The following TRIM71 variants were observed in gnomAD, a reference collection of about 807,000 sequenced individuals.
The protein encoded by TRIM71 is E3 ubiquitin-protein ligase TRIM71.
In TRIM71, 9 loss-of-function variants were observed where a neutral mutation model predicts 61.2. The ratio of observed to expected loss-of-function variants is 0.15; its 90% CI spans 0.09 to 0.26. The LOEUF (loss-of-function observed/expected upper bound fraction) is 0.26. Ranked by LOEUF, TRIM71 falls within the 10% of genes least tolerant of loss-of-function variation. The pLI is 1.00. For missense variants in TRIM71, 998 were observed against 1,238.7 expected (o/e 0.81, Z 2.92); for synonymous variants, 645 against 553.2 (o/e 1.17, Z -2.33).
intron 1 of TRIM71, among the ~76,000 whole-genome samples, chr3:32,870,885 T>C (rs1050822612): frequency 2.6e-5 from 4 of 152,100 alleles, no homozygotes; most frequent in Non-Finnish European, 4.4e-5. Flanking sequence ...TGGTCACGGC[T>C]CACTGCAGCC....
chr3:32,827,999 C>G (rs1696223376), intron 1 of TRIM71, among the ~76,000 whole-genome samples: 1 of 152,070 alleles, frequency 6.6e-6, no homozygotes, highest in African/African-American at 2.4e-5. Context: ...TATAAAAAAT[C>G]TGCACTTAAG....
rs1400782301 is a variant in TRIM71 at position 32,897,379 on chromosome 3, T to A, written c.*5568T>A. On this transcript the variant is annotated 3_prime_UTR_variant, in exon 4 of 4. Transcript: ENST00000383763. The stretch of plus-strand genomic sequence containing the variant: ...TGCAAGCCTGTCCGGGGTGGGGTGC[T>A]GACTGCCATTTGCCACTTTTAAATG... 2 of 152,172 alleles carry A rather than the reference T, an allele frequency of 1.3e-5. No individual in the cohort carries two copies. Among genetic ancestry groups the A allele is most frequent in the Non-Finnish European group, 2.9e-5 (2 of 68,032 alleles). 9.4% of individuals were successfully genotyped at this position (152,172 alleles called of 1,614,324 possible).
At chr3:32,820,665 A>C (rs1022675182) in intron 1 of TRIM71, among the ~76,000 whole-genome samples, 2 of 152,146 alleles carry the variant, frequency 1.3e-5, no homozygotes, top group South Asian at 4.1e-4. Context: ...TTAAAGATAC[A>C]CCTATATTTT....
chr3:32,885,372 C>T (rs1439467345), intron 2 of TRIM71, among the ~76,000 whole-genome samples: 5 of 152,132 alleles, frequency 3.3e-5, no homozygotes, highest in East Asian at 3.9e-4. Flanking sequence ...TCTCTGACCA[C>T]GGGGCACAGC....
At chr3:32,820,248 T>C (rs374210108) in intron 1 of TRIM71, among the ~76,000 whole-genome samples, 1 of 152,206 alleles carries the variant, frequency 6.6e-6, no homozygotes, top group East Asian at 1.9e-4. Context: ...CCGCTGCCTT[T>C]TCCACTCCTA....
chr3:32,874,049 AT>A (rs1306934863), intron 2 of TRIM71, 64 bp downstream of exon 2: 1 of 1,503,838 alleles, frequency 6.6e-7, no homozygotes, highest in Non-Finnish European at 8.9e-7. Context: ...GTCGGGTGGC[AT>A]GGACAGACAA....
At chr3:32,860,132 C>T (rs1380292637) in intron 1 of TRIM71, among the ~76,000 whole-genome samples, 1 of 146,352 alleles carries the variant, frequency 6.8e-6, no homozygotes, top group African/African-American at 2.5e-5. Context: ...CCTCCCCTCC[C>T]CTCTTCCCTC....
intron 1 of TRIM71, among the ~76,000 whole-genome samples, chr3:32,869,306 T>C (rs1372286042): frequency 6.6e-6 from 1 of 152,236 alleles, no homozygotes; most frequent in African/African-American, 2.4e-5. Context: ...TTTTAAGGGA[T>C]ACCAAACTAA....
At chr3:32,821,072 T>C (rs1696121767) in intron 1 of TRIM71, among the ~76,000 whole-genome samples, 1 of 152,210 alleles carries the variant, frequency 6.6e-6, no homozygotes, top group Admixed American at 6.5e-5. Context: ...TAACAGGTAG[T>C]GAGGTTCATA....
chr3:32,880,811 G>A (rs964308466), intron 2 of TRIM71, among the ~76,000 whole-genome samples: 13 of 152,174 alleles, frequency 8.5e-5, no homozygotes, highest in African/African-American at 3.1e-4. Flanking sequence ...TGATTTGCTG[G>A]GGATAGCGAT....
chr3:32,863,194 C>CTTTTTTTTTTTTTTTTTTTTTTTT (rs1559545534), intron 1 of TRIM71, among the ~76,000 whole-genome samples: 1 of 117,664 alleles, frequency 8.5e-6, no homozygotes, highest in African/African-American at 3.3e-5. Context: ...ATTAATTGAA[C>CTTTTTTTTTTTTTTTTTTTTTTTT]CTTTTTTTTT....
chr3:32,835,914 G>GT (rs1358282798), intron 1 of TRIM71, among the ~76,000 whole-genome samples: 1 of 152,150 alleles, frequency 6.6e-6, no homozygotes, highest in African/African-American at 2.4e-5. Flanking sequence ...GCATATAGAG[G>GT]TTAGTCTTAA....
chr3:32,889,344 C>A (rs761312623), intron 3 of TRIM71, among the ~76,000 whole-genome samples: 166 of 152,198 alleles, frequency 1.1e-3, no homozygotes, highest in Middle Eastern at 3.4e-3. Context: ...CAGACACAGT[C>A]ATGGCACACT....
chr3:32,823,702 G>A (rs184990287), intron 1 of TRIM71, among the ~76,000 whole-genome samples: 5 of 151,158 alleles, frequency 3.3e-5, no homozygotes, highest in African/African-American at 9.7e-5. Context: ...GCAGTGAGCC[G>A]AGGGTGCAGT....
chr3:32,890,768 G>A lies in TRIM71; in HGVS notation c.1564G>A (p.Asp522Asn), dbSNP rs1052094846. 6.2e-7 allele frequency: 1 copy of A among 1,614,148 alleles called. No individual in the cohort carries two copies. The highest frequency in any genetic ancestry group is 8.5e-7 in the Non-Finnish European group (1 of 1,180,026). ...TGGTGAGCCCCGCCTCTCAGGAGGC[G>A]ACCTGATGTCGGCTGTGGTCCTGGG... ...HDGEPRLSGG[D>N]LMSAVVLGPD... is the part of the protein sequence containing the mutation. The change falls in exon 4 of 4, where the codon GAC becomes AAC. Residue 522 changes from aspartate to asparagine, a missense_variant. Physicochemically the swap from Asp to Asn is conservative, Grantham distance 23 (BLOSUM62 1). Coordinates refer to ENST00000383763, the MANE Select transcript of TRIM71 (RefSeq NM_001039111.3). This position sits in a 1 kb window ranked among gnomAD's most constrained non-coding sequence, Gnocchi z 6.2.
At position 32,890,301 on chromosome 3, in the gene TRIM71, A is replaced by G; in HGVS notation, c.1156-59A>G. The stretch of plus-strand genomic sequence containing the variant: ...TGTGATTAGTTGTGGCTTATGTGGT[A>G]TTTTCTGTGCTTGGCTCTAAGCCTC... On this transcript the variant is annotated intron_variant, in intron 3 of 3. Transcript: ENST00000383763. The surrounding 1 kb of genome is among the most constrained non-coding windows in gnomAD (Gnocchi z 6.2). The G allele has an allele frequency of 6.4e-7, 1 of 1,554,616 alleles. No homozygotes were observed. The highest frequency in any genetic ancestry group is 8.7e-7 in the Non-Finnish European group (1 of 1,146,808).
At chr3:32,848,466 T>G (rs775816452) in intron 1 of TRIM71, among the ~76,000 whole-genome samples, 2 of 152,174 alleles carry the variant, frequency 1.3e-5, no homozygotes, top group African/African-American at 4.8e-5. Context: ...GGGGCCTGAA[T>G]CATCAGGGCA....
At chr3:32,871,586 G>T (rs1482304781) in intron 1 of TRIM71, among the ~76,000 whole-genome samples, 1 of 152,192 alleles carries the variant, frequency 6.6e-6, no homozygotes, top group South Asian at 2.1e-4. Context: ...TTAGCACCAG[G>T]TCGTAAAAAG....
At position 32,891,244 on chromosome 3, in the gene TRIM71, C is replaced by G; in HGVS notation, c.2040C>G (p.Phe680Leu). 6.2e-7 allele frequency: 1 copy of G among 1,613,420 alleles called. No homozygotes were observed. ...ADKDNHRIQI[F>L]TFEGQFLLKF... Reference sequence around the variant, plus strand: ...AGGACAATCATCGCATCCAGATCTTCACGTTCGAGGGCCAGTTCCTCCTCA... The same window carrying G: ...AGGACAATCATCGCATCCAGATCTTGACGTTCGAGGGCCAGTTCCTCCTCA... The change falls in exon 4 of 4, where the codon TTC (phenylalanine) becomes TTG (leucine). Residue 680 changes from phenylalanine (F) to leucine (L), a missense_variant. Physicochemically the swap from Phe to Leu is conservative, Grantham distance 22. Around this residue, in one of 5 missense-constraint regions of TRIM71, gnomAD observed 83 missense variants for 202.7 expected, o/e 0.41. Coordinates refer to ENST00000383763, the MANE Select transcript of TRIM71 (RefSeq NM_001039111.3). The surrounding 1 kb of genome is among the most constrained non-coding windows in gnomAD (Gnocchi z 8.2).
Sources: gnomAD v4.1 joint callset for allele counts (sites outside exome capture counted in the v4.1 genomes callset) on GRCh38, gnomAD v4.1.1 for gene constraint, gnomAD v4.1.1 regional missense constraint, Gnocchi (gnomAD v3.1) non-coding constraint, MANE v1.5 for transcripts, NCBI Gene and HGNC (gene_info 2026-07-23, HGNC 2026-07-21) for gene names.